METTL16: variants seen among roughly 807,000 people sequenced by gnomAD.
The protein encoded by METTL16 is RNA N(6)-adenosine-methyltransferase METTL16.
In METTL16, 19 loss-of-function variants were observed where a neutral mutation model predicts 57.9. The observed-to-expected ratio is 0.33, with a 90% CI of 0.23 to 0.48. METTL16 has a LOEUF of 0.48. METTL16 is among the 20% of genes least tolerant of loss of function. The probability of loss-of-function intolerance (pLI) is 0.99; values close to 1 mark genes in which losing one functional copy is unlikely to be tolerated. For synonymous variants in METTL16, 246 were observed against 255.6 expected, an observed-to-expected ratio of 0.96 and a Z score of 0.36; for missense variants, 434 against 691.5, an observed-to-expected ratio of 0.63 and a Z score of 4.18.
At position 2,420,979 on chromosome 17, in the gene METTL16, C is replaced by A; in HGVS notation, c.889-75G>T. 6.6e-7 allele frequency: 1 copy of A among 1,514,078 alleles called. No homozygotes were observed. Among genetic ancestry groups the A allele is most frequent in the South Asian group, 1.2e-5 (1 of 81,102 alleles). The allele number at this position is 1,514,078 out of a possible 1,614,324, so 93.8% of individuals were successfully genotyped here. ...TAAACCTCATGCATTGTAATGAACT[C>A]AGAGAAAATTTCCACAACTTCTGCT... On this transcript the variant is annotated intron_variant, in intron 8 of 9. Transcript: ENST00000263092. This position sits in a 1 kb window ranked among gnomAD's most constrained non-coding sequence, Gnocchi z 5.4.
At chr17:2,467,993 AT>A in intron 4 of METTL16, 117 bp from the exon 5 acceptor site, 1 of 685,912 alleles carries the variant, frequency 1.5e-6, no homozygotes, top group Non-Finnish European at 2.6e-6. Flanking sequence ...GTCCCGTAAG[AT>A]TATAACACCA....
At chr17:2,461,498 A>G (rs2067149615) in intron 6 of METTL16, among the ~76,000 whole-genome samples, 1 of 152,146 alleles carries the variant, frequency 6.6e-6, no homozygotes, top group South Asian at 2.1e-4. Context: ...ACAAAGATTG[A>G]AAAGGTAGTA....
intron 2 of METTL16, among the ~76,000 whole-genome samples, chr17:2,484,901 T>C (rs969298721): frequency 6.6e-6 from 1 of 152,150 alleles, no homozygotes; most frequent in Admixed American, 6.5e-5. Context: ...ATGAAATGGA[T>C]CTGATTCTTA....
At chr17:2,457,060 G>A (rs1021249447) in intron 6 of METTL16, among the ~76,000 whole-genome samples, 7 of 151,874 alleles carry the variant, frequency 4.6e-5, no homozygotes, top group African/African-American at 1.5e-4. Context: ...TCAGCTGGGC[G>A]TGGTGGCTCA....
intron 4 of METTL16, 34 bp downstream of exon 4, chr17:2,473,490 C>T: frequency 6.4e-7 from 1 of 1,573,430 alleles, no homozygotes; most frequent in African/African-American, 1.4e-5. Flanking sequence ...GGTGAAGACA[C>T]AAAGTTTGGA....
chr17:2,493,847 A>G (rs1396097987), intron 2 of METTL16, among the ~76,000 whole-genome samples: 1 of 151,352 alleles, frequency 6.6e-6, no homozygotes, highest in Non-Finnish European at 1.5e-5. Context: ...ACCAAGGTAG[A>G]CTCTCCTATG....
chr17:2,427,296 G>A (rs2066826891), intron 8 of METTL16, among the ~76,000 whole-genome samples: 1 of 152,050 alleles, frequency 6.6e-6, no homozygotes, highest in Admixed American at 6.5e-5. Context: ...CACAGGTAGA[G>A]AAATAAGAAA....
intron 6 of METTL16, among the ~76,000 whole-genome samples, chr17:2,463,147 G>A (rs765909349): frequency 6.6e-6 from 1 of 152,156 alleles, no homozygotes; most frequent in Non-Finnish European, 1.5e-5. Flanking sequence ...ACAGCTCAAT[G>A]TCCTCACATC....
intron 6 of METTL16, among the ~76,000 whole-genome samples, chr17:2,443,551 A>C (rs891021975): frequency 6.7e-6 from 1 of 149,996 alleles, no homozygotes; most frequent in African/African-American, 2.5e-5. Flanking sequence ...CAGTAGCACG[A>C]TCTAGGCTCG....
chr17:2,449,169 A>G (rs1312090378), intron 6 of METTL16, among the ~76,000 whole-genome samples: 1 of 152,172 alleles, frequency 6.6e-6, no homozygotes, highest in Non-Finnish European at 1.5e-5. Flanking sequence ...AAGTTCGTAT[A>G]ATGTGTGTAA....
At chr17:2,450,989 T>A (rs2151556567) in intron 6 of METTL16, among the ~76,000 whole-genome samples, 1 of 152,322 alleles carries the variant, frequency 6.6e-6, no homozygotes, top group East Asian at 1.9e-4. Flanking sequence ...CAAAAACTGT[T>A]TTATAGGTCA....
At chr17:2,429,616 T>C (rs888979424) in intron 8 of METTL16, among the ~76,000 whole-genome samples, 4 of 151,830 alleles carry the variant, frequency 2.6e-5, no homozygotes, top group African/African-American at 7.3e-5. Context: ...AATTGGAATA[T>C]CATTATTTGC....
rs185389816 is a variant in METTL16, at chr17:2,490,305, C to A, written c.128+11899G>T. Among the ~76,000 whole-genome samples the A allele has an allele frequency of 7.3e-3, 1,108 of 152,196 alleles. 51 individuals are homozygous for A. The highest frequency in any genetic ancestry group is 0.065 in the Admixed American group (994 of 15,284). ...GTATGTGGATCAGCCCAGTCTTATT[C>A]TTTTTAATGACTGCACTGTACTCGC... On this transcript the variant is annotated intron_variant, in intron 2 of 9. Transcript: ENST00000263092.
chr17:2,507,309 C>A (rs2067549891), intron 1 of METTL16, among the ~76,000 whole-genome samples: 1 of 148,036 alleles, frequency 6.8e-6, no homozygotes, highest in African/African-American at 2.5e-5. Context: ...GGCCAGCCAC[C>A]CCATCCAGGA....
chr17:2,422,886 G>A (rs2151683590), intron 8 of METTL16, among the ~76,000 whole-genome samples: 1 of 152,192 alleles, frequency 6.6e-6, no homozygotes, highest in East Asian at 1.9e-4. Flanking sequence ...GGGAGGCTGA[G>A]GCAGGAGAAT....
At chr17:2,488,861 T>C (rs906067193) in intron 2 of METTL16, among the ~76,000 whole-genome samples, 2 of 152,202 alleles carry the variant, frequency 1.3e-5, no homozygotes, top group Non-Finnish European at 2.9e-5. Context: ...CCTTAAATTA[T>C]TATTCGCGTA....
chr17:2,467,465 G>A (rs1246997026), intron 5 of METTL16, among the ~76,000 whole-genome samples: 1 of 151,994 alleles, frequency 6.6e-6, no homozygotes, highest in Non-Finnish European at 1.5e-5. Flanking sequence ...TTGCCCTGTA[G>A]CCCAGGCTGG....
At position 2,450,812 on chromosome 17, in the gene METTL16, TTTAA is replaced by T. The variant is rs1482498113; in HGVS notation, c.729-9257_729-9254del. Reference sequence around the variant, plus strand: ...CAGATTAAGGGATATACATTCAATATTTAATTGTTTATATACAAAATGCCTACTA... The same window carrying T: ...CAGATTAAGGGATATACATTCAATATTTGTTTATATACAAAATGCCTACTA... On this transcript the variant is annotated intron_variant, in intron 6 of 9. Transcript: ENST00000263092. 2.0e-5 allele frequency among the ~76,000 whole-genome samples: 3 copies of T among 152,274 alleles called. No individual in the cohort carries two copies. In the East Asian group the frequency reaches 5.8e-4, roughly 29 times the overall value.
At chr17:2,472,110 G>A (rs1180254619) in intron 4 of METTL16, among the ~76,000 whole-genome samples, 11 of 145,886 alleles carry the variant, frequency 7.5e-5, no homozygotes, top group African/African-American at 2.8e-4. Context: ...GCAAAACTAA[G>A]TCTCAAAAAA....
Sources: gnomAD v4.1 joint callset for allele counts (sites outside exome capture counted in the v4.1 genomes callset) on GRCh38, gnomAD v4.1.1 for gene constraint, Gnocchi (gnomAD v3.1) non-coding constraint, MANE v1.5 for transcripts, NCBI Gene and HGNC (gene_info 2026-07-23, HGNC 2026-07-21) for gene names.